The following ZNF417 variants were observed in gnomAD, a reference collection of about 807,000 sequenced individuals.
The protein encoded by ZNF417 is zinc finger protein 417.
A neutral mutation model predicts 7.4 loss-of-function variants in ZNF417; 5 were observed. The ratio of observed to expected loss-of-function variants is 0.68; its 90% CI spans 0.35 to 1.43. ZNF417 has a LOEUF of 1.43. Among genes scored for constraint, ZNF417 ranks in the 40% most tolerant of loss-of-function variants. The pLI, the probability that ZNF417 is intolerant of heterozygous loss-of-function variation, is 0.04. For synonymous variants in ZNF417, 147 were observed against 239.1 expected (o/e 0.61, Z 3.55); for missense variants, 437 against 697.3 (o/e 0.63, Z 4.20).
In ZNF417 at chr19:57,912,309, T is replaced by C. The variant is rs1358048744; in HGVS notation, c.34-120A>G. 8 of 1,518,006 alleles carry C rather than the reference T, an allele frequency of 5.3e-6. No homozygotes were observed. In the Admixed American group the frequency reaches 1.5e-4, roughly 29 times the overall value. 94.0% of individuals were successfully genotyped at this position (1,518,006 alleles called of 1,614,324 possible). A position where few individuals can be genotyped will look rare whatever the true frequency, so the allele number is the denominator to read the frequency against. ...AAGGTCCCCAACATAGTGTTGAAAC[T>C]ATGTCCACTAGTGCCTTTGTCTCTT... On this transcript the variant is annotated intron_variant, in intron 1 of 2. Coordinates refer to ENST00000312026, the MANE Select transcript of ZNF417 (RefSeq NM_152475.3).
chr19:57,914,198 GCTGT>G (rs2071923815), intron 1 of ZNF417, among the ~76,000 whole-genome samples: 1 of 152,040 alleles, frequency 6.6e-6, no homozygotes, highest in Admixed American at 6.6e-5. Flanking sequence ...AGAAAACCTA[GCTGT>G]CTGTCAGGCG....
At chr19:57,916,070 C>T (rs1262292160) in intron 1 of ZNF417, among the ~76,000 whole-genome samples, 1 of 152,240 alleles carries the variant, frequency 6.6e-6, no homozygotes, top group African/African-American at 2.4e-5. Flanking sequence ...CTAATGGAGA[C>T]TGATTTGAGT....
In ZNF417 at chr19:57,905,842, G is replaced by A. The variant is rs774161494; in HGVS notation, c.*2708C>T. Among the ~76,000 whole-genome samples, 1 of 152,170 alleles carries A rather than the reference G, an allele frequency of 6.6e-6. No homozygotes were observed. Among genetic ancestry groups the A allele is most frequent in the Non-Finnish European group, 1.5e-5 (1 of 68,046 alleles). On this transcript the variant is annotated 3_prime_UTR_variant, in exon 3 of 3. Coordinates refer to ENST00000312026, the MANE Select transcript of ZNF417 (RefSeq NM_152475.3). ...ATTTCAACATATAAGTTGCATACAA[G>A]CAGGAAGATTTAACTTCATAAGAGA...
Position 57,908,567 on chromosome 19 carries a change from T to A in ZNF417, c.1711A>T (p.Arg571Trp), listed in dbSNP as rs1276297136. ...CACTGCACTCATAAGGCCTTTCTCC[T>A]GTGTGAACTCTGATGATGAAGGAGG... is the stretch of plus-strand genomic sequence containing the variant. Reference protein sequence around the residue: ...STLLHHQSSHRRKAL With the variant: ...STLLHHQSSHWRKAL The change falls in exon 3 of 3, where the codon AGG becomes TGG. Residue 571 changes from arginine (R) to tryptophan (W), a missense_variant. This residue lies in a region of ZNF417 where 233 missense variants were observed against 235.5 expected (regional missense o/e 0.99). Transcript: ENST00000312026. 1.9e-6 allele frequency: 3 copies of A among 1,613,960 alleles called. No individual in the cohort carries two copies. The highest frequency in any genetic ancestry group is 2.5e-6 in the Non-Finnish European group (3 of 1,179,972).
intron 1 of ZNF417, chr19:57,915,350 G>C: frequency 8.3e-6 from 2 of 242,340 alleles, no homozygotes; most frequent in South Asian, 1.2e-4. Flanking sequence ...TGAATGCACA[G>C]CCCTCGGCCT....
chr19:57,908,560 T>C lies in ZNF417; in HGVS notation c.1718A>G (p.Lys573Arg). 6.2e-7 allele frequency: 1 copy of C among 1,614,208 alleles called. No individual in the cohort carries two copies. The highest frequency in any genetic ancestry group is 8.5e-7 in the Non-Finnish European group (1 of 1,180,030). The change falls in exon 3 of 3, where the codon AAG becomes AGG. Residue 573 changes from lysine to arginine, a missense_variant. Coordinates refer to ENST00000312026, the MANE Select transcript of ZNF417 (RefSeq NM_152475.3). ...CCATATTCACTGCACTCATAAGGCC[T>C]TTCTCCTGTGTGAACTCTGATGATG... Reference protein sequence around the residue: ...LLHHQSSHRRKAL With the variant: ...LLHHQSSHRRRAL
chr19:57,913,778 A>G, intron 1 of ZNF417, among the ~76,000 whole-genome samples: 1 of 152,100 alleles, frequency 6.6e-6, no homozygotes, highest in Non-Finnish European at 1.5e-5. Flanking sequence ...GGTGTTTAGG[A>G]AGCCCAATAA....
intron 1 of ZNF417, among the ~76,000 whole-genome samples, chr19:57,913,666 T>G (rs895991303): frequency 6.6e-6 from 1 of 152,226 alleles, no homozygotes; most frequent in African/African-American, 2.4e-5. Flanking sequence ...CCTATGCTTC[T>G]GCATGCATCT....
At chr19:57,915,936 T>C (rs1048165967) in intron 1 of ZNF417, among the ~76,000 whole-genome samples, 1 of 152,156 alleles carries the variant, frequency 6.6e-6, no homozygotes, top group African/African-American at 2.4e-5. Context: ...TCTGGGTCAA[T>C]CAGTTCTGCC....
Position 57,908,642 on chromosome 19 carries a change from T to C in ZNF417, c.1636A>G (p.Arg546Gly). Residue 546 changes from arginine to glycine, a missense_variant, in exon 3 of 3, where the codon AGG becomes GGG. Coordinates refer to ENST00000312026, the MANE Select transcript of ZNF417 (RefSeq NM_152475.3). ...IKHRRIHTGE[R>G]PYECTKCGKT... Reference sequence around the variant, plus strand: ...CCACATTTGGTACATTCATAAGGCCTTTCTCCAGTGTGAATTCTCCTGTGT... The same window carrying C: ...CCACATTTGGTACATTCATAAGGCCCTTCTCCAGTGTGAATTCTCCTGTGT... 1 of 1,614,212 alleles carries C rather than the reference T, an allele frequency of 6.2e-7. No homozygotes were observed.
chr19:57,914,258 G>A (rs1339447408), intron 1 of ZNF417, among the ~76,000 whole-genome samples: 1 of 151,962 alleles, frequency 6.6e-6, no homozygotes, highest in Non-Finnish European at 1.5e-5. Flanking sequence ...GGCTGAGGCA[G>A]GCGAATCACC....
chr19:57,908,037 A>G lies in ZNF417; in HGVS notation c.*513T>C, dbSNP rs149546271. On this transcript the variant is annotated 3_prime_UTR_variant, in exon 3 of 3. Transcript: ENST00000312026. ...AAGTTCTTGTTTCTACAAAGTGTGTATCCTTTCCATATGTGAGAACTCTGA... is the reference window on the plus strand; with the variant it reads ...AAGTTCTTGTTTCTACAAAGTGTGTGTCCTTTCCATATGTGAGAACTCTGA... The G allele has an allele frequency of 2.4e-3, 425 of 176,120 alleles. 1 individual carries two copies. Among genetic ancestry groups the G allele is most frequent in the African/African-American group, 9.8e-3 (412 of 41,944 alleles). The allele number at this position is 176,120 out of a possible 1,614,324, so 10.9% of individuals were successfully genotyped here.
At chr19:57,911,958 C>A (rs2071902165) in intron 2 of ZNF417, 102 bp downstream of exon 2, 2 of 1,498,430 alleles carry the variant, frequency 1.3e-6, no homozygotes, top group Non-Finnish European at 1.8e-6. Context: ...GTAGAAGGAA[C>A]CTGTGTCCAG....
rs1258664290 is a variant in ZNF417, at chr19:57,909,053, C to G, written c.1225G>C (p.Glu409Gln). 2.4e-5 allele frequency: 38 copies of G among 1,614,078 alleles called. No homozygotes were observed. The highest frequency in any genetic ancestry group is 2.8e-5 in the Non-Finnish European group (33 of 1,180,042). The change falls in exon 3 of 3, where the codon GAG becomes CAG. Residue 409 changes from glutamate to glutamine, a missense_variant. Coordinates refer to ENST00000312026, the MANE Select transcript of ZNF417 (RefSeq NM_152475.3). ...AATGATTTCCCACATTCCTTGCACT[C>G]ATAGGGCCTTTCTCCAGTATGACCT... ...QRGHTGERPY[E>Q]CKECGKSFRY...
chr19:57,913,769 G>A (rs1253417185), intron 1 of ZNF417, among the ~76,000 whole-genome samples: 5 of 151,988 alleles, frequency 3.3e-5, no homozygotes, highest in Non-Finnish European at 7.4e-5. Flanking sequence ...ACCCTCTCAG[G>A]TGTTTAGGAA....
chr19:57,913,203 G>A (rs947302166), intron 1 of ZNF417, among the ~76,000 whole-genome samples: 1 of 151,870 alleles, frequency 6.6e-6, no homozygotes, highest in Admixed American at 6.6e-5. Context: ...TTCAATTCTG[G>A]CCTTATACCA....
rs780211587 is a variant in ZNF417 at position 57,907,283 on chromosome 19, AAC to A, written c.*1265_*1266del. ...TATCCATGAAGCATCTTAGTAAAAT[AAC>A]AGATATTCCATTTGCAAATTATGCT... is the stretch of plus-strand genomic sequence containing the variant. On this transcript the variant is annotated 3_prime_UTR_variant, in exon 3 of 3. Coordinates refer to ENST00000312026, the MANE Select transcript of ZNF417 (RefSeq NM_152475.3). 6.6e-5 allele frequency: 10 copies of A among 152,546 alleles called. No homozygotes were observed. The East Asian group carries it at 1.9e-3, about 29-fold the overall frequency. 9.4% of individuals were successfully genotyped at this position (152,546 alleles called of 1,614,324 possible).
At chr19:57,914,001 T>C (rs767591775) in intron 1 of ZNF417, among the ~76,000 whole-genome samples, 1 of 152,222 alleles carries the variant, frequency 6.6e-6, no homozygotes, top group Non-Finnish European at 1.5e-5. Context: ...TAGTTATCCA[T>C]TTAATGCCAC....
chr19:57,913,817 C>T (rs2071920497), intron 1 of ZNF417, among the ~76,000 whole-genome samples: 1 of 152,138 alleles, frequency 6.6e-6, no homozygotes, highest in South Asian at 2.1e-4. Flanking sequence ...GTAAGAGATC[C>T]ACTCCTCAGC....
Sources: allele counts gnomAD v4.1 joint callset (sites outside exome capture counted in the v4.1 genomes callset), GRCh38; gene constraint gnomAD v4.1.1; regional missense constraint gnomAD v4.1.1; transcripts MANE v1.5; gene names NCBI Gene and HGNC (gene_info 2026-07-23, HGNC 2026-07-21).